Variants in PBRM1 observed in about 807,000 individuals in gnomAD.
PBRM1 encodes the protein polybromo 1, also known as protein polybromo-1.
PBRM1 carries 27 observed loss-of-function variants against 194.5 expected under a neutral mutation model. The observed-to-expected ratio is 0.14, with a 90% confidence interval of 0.10 to 0.19. PBRM1 has a LOEUF of 0.19. PBRM1 is among the 10% of genes least tolerant of loss of function. PBRM1 has a pLI of 1.00. For missense variants in PBRM1, 1,466 were observed against 2,077.2 expected (o/e 0.71, Z 5.72); for synonymous variants, 655 against 693.2 (o/e 0.94, Z 0.87).
chr3:52,628,364 CAA>C (rs557100684), intron 12 of PBRM1, among the ~76,000 whole-genome samples: 3 of 111,334 alleles, frequency 2.7e-5, no homozygotes. Flanking sequence ...ATGACAACTC[CAA>C]AAAAAAAAAA....
At chr3:52,631,429 C>A (rs181632622) in intron 11 of PBRM1, among the ~76,000 whole-genome samples, 1 of 152,186 alleles carries the variant, frequency 6.6e-6, no homozygotes, top group Admixed American at 6.5e-5. Context: ...CATTAAATAT[C>A]TGCCATGAAG....
exon 8 of PBRM1, chr3:52,644,753 T>G (rs1205460631): frequency 6.4e-7 from 1 of 1,553,984 alleles, no homozygotes. Context: ...ATTTCAGCCT[T>G]TTTCATATAA....
chr3:52,580,354 TTTGTTG>T (rs200564021), intron 20 of PBRM1, among the ~76,000 whole-genome samples: 1 of 152,094 alleles, frequency 6.6e-6, no homozygotes, highest in Non-Finnish European at 1.5e-5. Context: ...ACATGCTTTT[TTTGTTG>T]TTGTTGTTGT....
intron 27 of PBRM1, among the ~76,000 whole-genome samples, chr3:52,554,323 CA>C (rs966198340): frequency 6.6e-6 from 1 of 152,172 alleles, no homozygotes; most frequent in African/African-American, 2.4e-5. Flanking sequence ...AAATGCAACT[CA>C]GGGGCAAAAA....
intron 17 of PBRM1, among the ~76,000 whole-genome samples, chr3:52,602,686 C>G (rs1261393916): frequency 6.6e-6 from 1 of 152,222 alleles, no homozygotes; most frequent in Non-Finnish European, 1.5e-5. Context: ...AAACCCCACA[C>G]ATATATATTC....
chr3:52,547,943 G>A (rs1339825877), downstream of PBRM1: 4 of 752,258 alleles, frequency 5.3e-6, no homozygotes, highest in Admixed American at 9.6e-5. Flanking sequence ...GCCTTGTGAT[G>A]TACAGTAAAA....
At chr3:52,671,308 G>A (rs989022306) in intron 2 of PBRM1, among the ~76,000 whole-genome samples, 3 of 152,162 alleles carry the variant, frequency 2.0e-5, no homozygotes, top group Admixed American at 1.3e-4. Context: ...ACAGAGGAGC[G>A]TCAGAAAAAA....
At chr3:52,580,776 A>G (rs1354781910) in intron 20 of PBRM1, among the ~76,000 whole-genome samples, 1 of 152,240 alleles carries the variant, frequency 6.6e-6, no homozygotes, top group Non-Finnish European at 1.5e-5. Flanking sequence ...AAATGAAGAT[A>G]ATGATAGTGT....
At chr3:52,554,580 C>G (rs2081811474) in intron 27 of PBRM1, 144 bp downstream of exon 29, 5 of 655,438 alleles carry the variant, frequency 7.6e-6, no homozygotes, top group Non-Finnish European at 1.3e-5. Context: ...ACAAGACATG[C>G]CCTGCTGCTG....
At chr3:52,599,128 T>C (rs1320936016) in intron 17 of PBRM1, among the ~76,000 whole-genome samples, 1 of 151,196 alleles carries the variant, frequency 6.6e-6, no homozygotes, top group Non-Finnish European at 1.5e-5. Context: ...AGGTTGAGGG[T>C]GTAGTGAGCC....
chr3:52,636,271 A>C (rs2095807774), intron 10 of PBRM1, among the ~76,000 whole-genome samples: 1 of 152,266 alleles, frequency 6.6e-6, no homozygotes, highest in African/African-American at 2.4e-5. Flanking sequence ...TGCTGAGGGA[A>C]TTTTTAGGTA....
intron 10 of PBRM1, among the ~76,000 whole-genome samples, chr3:52,639,819 C>T (rs1446329685): frequency 6.6e-6 from 1 of 151,678 alleles, no homozygotes; most frequent in Non-Finnish European, 1.5e-5. Flanking sequence ...GATGCTCCTG[C>T]CTCAGCCTCT....
At chr3:52,650,398 A>T (rs1016488866) in intron 6 of PBRM1, among the ~76,000 whole-genome samples, 1 of 151,180 alleles carries the variant, frequency 6.6e-6, no homozygotes, top group Non-Finnish European at 1.5e-5. Flanking sequence ...AAAAAAAAAA[A>T]GATGATACAT....
intron 13 of PBRM1, 39 bp from the exon 15 acceptor site, chr3:52,624,980 C>G (rs2095401020): frequency 2.1e-6 from 3 of 1,414,944 alleles, no homozygotes; most frequent in Non-Finnish European, 2.0e-6. Flanking sequence ...TAAAGAGAAA[C>G]AAAACAAGCA....
At chr3:52,648,518 CAT>C in intron 6 of PBRM1, 76 bp from the exon 8 acceptor site, 2 of 733,716 alleles carry the variant, frequency 2.7e-6, no homozygotes, top group Non-Finnish European at 4.6e-6. Flanking sequence ...AAGAACCCCA[CAT>C]ATTTCTAAAT....
At chr3:52,657,614 C>A (rs1353817263) in intron 5 of PBRM1, among the ~76,000 whole-genome samples, 1 of 151,942 alleles carries the variant, frequency 6.6e-6, no homozygotes, top group Non-Finnish European at 1.5e-5. Flanking sequence ...GGATTACAGG[C>A]ACACACCATC....
intron 11 of PBRM1, among the ~76,000 whole-genome samples, chr3:52,634,224 G>A (rs1024007656): frequency 2.0e-5 from 3 of 152,044 alleles, no homozygotes; most frequent in African/African-American, 7.2e-5. Context: ...AGATCATGAG[G>A]TCAGGAGATC....
At chr3:52,565,867 G>A (rs1245533348) in intron 22 of PBRM1, among the ~76,000 whole-genome samples, 1 of 152,018 alleles carries the variant, frequency 6.6e-6, no homozygotes, top group Non-Finnish European at 1.5e-5. Flanking sequence ...TGGCTAACAC[G>A]GTGAAACCCC....
chr3:52,634,482 T>A, intron 11 of PBRM1, 120 bp downstream of exon 12: 1 of 665,744 alleles, frequency 1.5e-6, no homozygotes, highest in Non-Finnish European at 2.5e-6. Context: ...AAATTTGAGG[T>A]TAAAAAAAAA....
Sources: gnomAD v4.1 joint callset for allele counts (sites outside exome capture counted in the v4.1 genomes callset) on GRCh38, gnomAD v4.1.1 for gene constraint, MANE v1.5 for transcripts, NCBI Gene and HGNC (gene_info 2026-07-23, HGNC 2026-07-21) for gene names.